Variants in STAU1 observed in about 807,000 individuals in gnomAD.
STAU1 encodes the protein staufen double-stranded RNA binding protein 1.
Under a neutral mutation model 62.9 loss-of-function variants are expected in STAU1, and 13 were observed. The ratio of observed to expected loss-of-function variants is 0.21; its 90% CI spans 0.13 to 0.33. The LOEUF is 0.33. STAU1 is among the 10% of genes least tolerant of loss of function. The pLI is 1.00. For missense variants in STAU1, 571 were observed against 712.1 expected, an observed-to-expected ratio of 0.80 and a Z score of 2.25; for synonymous variants, 269 against 265.1, an observed-to-expected ratio of 1.01 and a Z score of -0.14.
intron 9 of STAU1, 27 bp from the exon 10 acceptor site, chr20:49,118,435 G>A: frequency 6.7e-7 from 1 of 1,498,588 alleles, no homozygotes; most frequent in Non-Finnish European, 9.2e-7. Flanking sequence ...AAAAAAAAAA[G>A]GCCATGAGCA....
the STAU1 span, among the ~76,000 whole-genome samples, chr20:49,216,755 G>C: frequency 6.6e-6 from 1 of 152,106 alleles, no homozygotes; most frequent in Non-Finnish European, 1.5e-5. Context: ...AGGGAAGTAG[G>C]CTGGGGGTGA....
At chr20:49,176,507 T>C (rs2093662134) in intron 1 of STAU1, among the ~76,000 whole-genome samples, 1 of 152,208 alleles carries the variant, frequency 6.6e-6, no homozygotes, top group South Asian at 2.1e-4. Context: ...GTGTTTTTGC[T>C]TGTTTCAGTT....
At chr20:49,152,446 C>T (rs904962046) in intron 4 of STAU1, among the ~76,000 whole-genome samples, 21 of 147,006 alleles carry the variant, frequency 1.4e-4, no homozygotes, top group Non-Finnish European at 2.2e-4. Context: ...TGGGTTCAAG[C>T]GATTCTCCTG....
intron 13 of STAU1, 99 bp downstream of exon 13, chr20:49,115,683 C>T (rs1367356066): frequency 1.9e-6 from 2 of 1,072,384 alleles, no homozygotes; most frequent in East Asian, 2.4e-5. Flanking sequence ...GTAACTCAGG[C>T]AAATATTTCC....
chr20:49,131,637 G>GTTCAAGAC (rs1279864399), intron 6 of STAU1, among the ~76,000 whole-genome samples: 1 of 152,110 alleles, frequency 6.6e-6, no homozygotes, highest in Non-Finnish European at 1.5e-5. Context: ...GAGGTCAGGA[G>GTTCAAGAC]TTCAAGACCA....
chr20:49,148,362 G>A (rs1057502855), intron 5 of STAU1, among the ~76,000 whole-genome samples: 3 of 152,186 alleles, frequency 2.0e-5, no homozygotes, highest in East Asian at 1.9e-4. Flanking sequence ...AGGTGTATAC[G>A]AAACACAAAT....
the STAU1 span, among the ~76,000 whole-genome samples, chr20:49,204,592 T>TTATATATATATATATATA: frequency 4.4e-5 from 2 of 45,658 alleles, no homozygotes; most frequent in Non-Finnish European, 8.0e-5. Flanking sequence ...GGATTTTACA[T>TTATATATATATATATATA]TATATATATA....
the STAU1 span, among the ~76,000 whole-genome samples, chr20:49,207,335 T>C: frequency 6.6e-6 from 1 of 152,152 alleles, no homozygotes; most frequent in Non-Finnish European, 1.5e-5. Flanking sequence ...TGCCCCCTTC[T>C]GTCCTGGAGG....
chr20:49,189,865 G>C (rs1485181255), upstream of STAU1, among the ~76,000 whole-genome samples: 1 of 151,980 alleles, frequency 6.6e-6, no homozygotes, highest in African/African-American at 2.4e-5. Flanking sequence ...TTCAAAATAC[G>C]AGCTGCTGTG....
At chr20:49,138,539 T>C (rs943250316) in intron 5 of STAU1, among the ~76,000 whole-genome samples, 4 of 152,162 alleles carry the variant, frequency 2.6e-5, no homozygotes, top group Non-Finnish European at 2.9e-5. Flanking sequence ...TCTCACACTG[T>C]TGCCCAGTCT....
At chr20:49,202,137 G>A in the STAU1 span, among the ~76,000 whole-genome samples, 4 of 148,976 alleles carry the variant, frequency 2.7e-5, no homozygotes, top group African/African-American at 9.9e-5. Context: ...GGAGAATGGC[G>A]TGAACCCGGG....
chr20:49,197,698 G>T, the STAU1 span, among the ~76,000 whole-genome samples: 9 of 151,692 alleles, frequency 5.9e-5, no homozygotes, highest in East Asian at 1.6e-3. Flanking sequence ...CACGGTGCTG[G>T]GCCTACGATT....
At chr20:49,164,696 G>A (rs543326177) in intron 3 of STAU1, among the ~76,000 whole-genome samples, 15 of 152,208 alleles carry the variant, frequency 9.9e-5, no homozygotes, top group Non-Finnish European at 1.5e-4. Context: ...GAGCCCAGGA[G>A]GTTGATGCTG....
intron 5 of STAU1, among the ~76,000 whole-genome samples, chr20:49,136,479 A>G (rs563982132): frequency 9.2e-5 from 14 of 152,176 alleles, no homozygotes; most frequent in Non-Finnish European, 1.2e-4. Flanking sequence ...ACCAAAAACA[A>G]TCCGCACATA....
the STAU1 span, among the ~76,000 whole-genome samples, chr20:49,209,481 C>T: frequency 1.3e-5 from 2 of 151,600 alleles, no homozygotes; most frequent in African/African-American, 4.8e-5. Flanking sequence ...ATGGTGCCTC[C>T]CACCTGTAAT....
the STAU1 span, among the ~76,000 whole-genome samples, chr20:49,213,146 T>A: frequency 6.6e-6 from 1 of 151,978 alleles, no homozygotes. Flanking sequence ...GCTGGGATTA[T>A]AGGCGCACAC....
intron 3 of STAU1, among the ~76,000 whole-genome samples, chr20:49,156,936 G>A (rs1471729791): frequency 6.6e-6 from 1 of 151,294 alleles, no homozygotes; most frequent in East Asian, 1.9e-4. Flanking sequence ...GAGTGCAGTG[G>A]TGTGATCTTG....
intron 5 of STAU1, among the ~76,000 whole-genome samples, chr20:49,138,956 C>T (rs2092949246): frequency 6.6e-6 from 1 of 151,806 alleles, no homozygotes; most frequent in Non-Finnish European, 1.5e-5. Flanking sequence ...AAGTAATTAC[C>T]AATCTAATAG....
At chr20:49,197,247 A>G in the STAU1 span, among the ~76,000 whole-genome samples, 112 of 150,660 alleles carry the variant, frequency 7.4e-4, no homozygotes, top group Non-Finnish European at 1.5e-3. Flanking sequence ...CAATAGAATA[A>G]TGATCAGTAG....
Sources: allele counts gnomAD v4.1 joint callset (sites outside exome capture counted in the v4.1 genomes callset), GRCh38; gene constraint gnomAD v4.1.1; transcripts MANE v1.5; gene names NCBI Gene and HGNC (gene_info 2026-07-23, HGNC 2026-07-21).